The following GABRB1 variants were observed in gnomAD, a reference collection of about 807,000 sequenced individuals.
GABRB1 encodes the protein gamma-aminobutyric acid receptor subunit beta-1.
A neutral mutation model predicts 51.6 loss-of-function variants in GABRB1; 17 were observed. That is an observed-to-expected ratio of 0.33 (90% CI 0.23 to 0.49). The LOEUF is 0.49. GABRB1 is among the 20% of genes least tolerant of loss of function. The pLI is 0.99. For synonymous variants in GABRB1, 247 were observed against 218.9 expected (o/e 1.13, Z -1.14); for missense variants, 410 against 600.6 (o/e 0.68, Z 3.32).
chr4:47,148,722 A>G (rs937924414), intron 3 of GABRB1, among the ~76,000 whole-genome samples: 1 of 151,640 alleles, frequency 6.6e-6, no homozygotes, highest in African/African-American at 2.4e-5. Flanking sequence ...GTGATGAACA[A>G]TTGATTTGTA....
At chr4:47,201,578 A>G (rs181386390) in intron 4 of GABRB1, among the ~76,000 whole-genome samples, 1 of 152,312 alleles carries the variant, frequency 6.6e-6, no homozygotes, top group Admixed American at 6.5e-5. Flanking sequence ...TGGAAATGCC[A>G]GTGTTTTCAC....
At chr4:47,406,597 T>G (rs1728576864) in intron 7 of GABRB1, 85 bp from the exon 8 acceptor site, 1 of 1,537,846 alleles carries the variant, frequency 6.5e-7, no homozygotes, top group Admixed American at 1.7e-5. Context: ...AATAAGGAAG[T>G]GGCAAATGGC....
rs73140265 is a variant in GABRB1, at chr4:47,154,752, G to A, written c.241-6497G>A. Among the ~76,000 whole-genome samples the A allele has an allele frequency of 1.9e-3, 293 of 152,192 alleles. 2 individuals are homozygous for A. Among genetic ancestry groups the A allele is most frequent in the African/African-American group, 6.6e-3 (274 of 41,556 alleles). Reference sequence around the variant, plus strand: ...ACGTGTTCAGACCTCAGGAGAACTAGAAACAGAAGTAGACAGTCTTCGTGA... The same window carrying A: ...ACGTGTTCAGACCTCAGGAGAACTAAAAACAGAAGTAGACAGTCTTCGTGA... On this transcript the variant is annotated intron_variant, in intron 3 of 8. Coordinates refer to ENST00000295454, the MANE Select transcript of GABRB1 (RefSeq NM_000812.4).
chr4:47,046,409 G>T (rs1726089403), intron 3 of GABRB1, among the ~76,000 whole-genome samples: 1 of 151,944 alleles, frequency 6.6e-6, no homozygotes, highest in Admixed American at 6.6e-5. Flanking sequence ...TAAAAGCAAA[G>T]GTACTTGGTA....
chr4:47,101,221 A>G lies in GABRB1; in HGVS notation c.241-60028A>G, dbSNP rs566256688. Among the ~76,000 whole-genome samples, 11 of 152,146 alleles carry G rather than the reference A, an allele frequency of 7.2e-5. No individual in the cohort carries two copies. In the South Asian group the frequency reaches 2.1e-3, roughly 29 times the overall value. On this transcript the variant is annotated intron_variant, in intron 3 of 8. Transcript: ENST00000295454. ...ATAGCACATGTTTAATGCCCTGTAA[A>G]TATTTTTTGGATGAATGAATAAGTA... is the stretch of plus-strand genomic sequence containing the variant.
chr4:47,142,390 T>C (rs745829151), intron 3 of GABRB1, among the ~76,000 whole-genome samples: 5 of 151,870 alleles, frequency 3.3e-5, no homozygotes, highest in Non-Finnish European at 5.9e-5. Context: ...ATTTTATGGC[T>C]ATAAAAGAGA....
intron 3 of GABRB1, among the ~76,000 whole-genome samples, chr4:47,146,048 G>C (rs1435062883): frequency 6.6e-6 from 1 of 151,944 alleles, no homozygotes; most frequent in Non-Finnish European, 1.5e-5. Context: ...GGAAGATTGG[G>C]GCAACTCAAG....
At chr4:47,065,967 T>TA (rs1196329850) in intron 3 of GABRB1, among the ~76,000 whole-genome samples, 1 of 152,228 alleles carries the variant, frequency 6.6e-6, no homozygotes, top group East Asian at 1.9e-4. Flanking sequence ...CTAATTATGG[T>TA]AAGCCACTGA....
At chr4:47,062,897 C>A (rs1321866701) in intron 3 of GABRB1, among the ~76,000 whole-genome samples, 1 of 152,152 alleles carries the variant, frequency 6.6e-6, no homozygotes, top group Non-Finnish European at 1.5e-5. Context: ...CACCCAAAAC[C>A]AAGCCATACT....
intron 3 of GABRB1, among the ~76,000 whole-genome samples, chr4:47,052,255 T>C (rs1441452681): frequency 2.0e-5 from 3 of 152,176 alleles, no homozygotes; most frequent in Admixed American, 2.0e-4. Context: ...GGAGGCCCCA[T>C]GTCACTACTG....
chr4:47,350,183 TTATATATA>T (rs367708916), intron 5 of GABRB1, among the ~76,000 whole-genome samples: 11,021 of 87,412 alleles, frequency 0.13, 898 homozygotes, highest in Middle Eastern at 0.22. Flanking sequence ...TGGGCTCAGA[TTATATATA>T]TATATATATA....
chr4:47,027,649 G>A (rs1465451957), upstream of GABRB1, among the ~76,000 whole-genome samples: 1 of 151,334 alleles, frequency 6.6e-6, no homozygotes, highest in Admixed American at 6.6e-5. Flanking sequence ...GACTTCTTAA[G>A]TTAATTAGAA....
chr4:47,108,344 G>C (rs1165518668), intron 3 of GABRB1, among the ~76,000 whole-genome samples: 1 of 152,034 alleles, frequency 6.6e-6, no homozygotes, highest in Non-Finnish European at 1.5e-5. Context: ...GAGTAAAAGA[G>C]AGAAAACTTT....
intron 5 of GABRB1, among the ~76,000 whole-genome samples, chr4:47,334,640 T>G (rs1220260305): frequency 6.6e-6 from 1 of 152,230 alleles, no homozygotes; most frequent in Non-Finnish European, 1.5e-5. Flanking sequence ...TGATTTTATT[T>G]GACTCTGTGT....
chr4:47,353,181 C>G (rs1041574546), intron 5 of GABRB1, among the ~76,000 whole-genome samples: 1 of 152,214 alleles, frequency 6.6e-6, no homozygotes, highest in Non-Finnish European at 1.5e-5. Context: ...TTATCTCCCA[C>G]TGGATCCCTC....
intron 3 of GABRB1, among the ~76,000 whole-genome samples, chr4:47,157,597 G>A (rs1234792383): frequency 6.6e-6 from 1 of 152,076 alleles, no homozygotes; most frequent in Non-Finnish European, 1.5e-5. Flanking sequence ...GAGAACAAAT[G>A]TTATAATAGA....
At chr4:47,331,745 A>T (rs1725490547) in intron 5 of GABRB1, among the ~76,000 whole-genome samples, 1 of 152,152 alleles carries the variant, frequency 6.6e-6, no homozygotes, top group South Asian at 2.1e-4. Flanking sequence ...CAAACTTGAT[A>T]ATAACAATAT....
chr4:47,120,843 C>A (rs932809855), intron 3 of GABRB1, among the ~76,000 whole-genome samples: 3 of 152,062 alleles, frequency 2.0e-5, no homozygotes, highest in African/African-American at 7.2e-5. Context: ...GAGTTGATAT[C>A]CAGGTTGCAA....
chr4:47,181,440 T>C (rs1718943050), intron 4 of GABRB1, among the ~76,000 whole-genome samples: 1 of 152,042 alleles, frequency 6.6e-6, no homozygotes, highest in Non-Finnish European at 1.5e-5. Flanking sequence ...AAATGTTAAT[T>C]ATATGTAAAC....
Sources: gnomAD v4.1 joint callset for allele counts (sites outside exome capture counted in the v4.1 genomes callset) on GRCh38, gnomAD v4.1.1 for gene constraint, MANE v1.5 for transcripts, NCBI Gene and HGNC (gene_info 2026-07-23, HGNC 2026-07-21) for gene names.